FANCM: variants seen among roughly 807,000 people sequenced by gnomAD.
The protein encoded by FANCM is FA complementation group M.
In FANCM, 140 loss-of-function variants were observed where a neutral mutation model predicts 199.5. The observed-to-expected ratio is 0.70, with a 90% CI of 0.61 to 0.81. FANCM has a LOEUF of 0.81. Among genes scored for constraint, FANCM ranks in the 30% least tolerant of loss-of-function variants. FANCM has a pLI of 0.00. For missense variants in FANCM, 2,410 were observed against 2,421.4 expected, an observed-to-expected ratio of 1.00 and a Z score of 0.10; for synonymous variants, 840 against 836.8, an observed-to-expected ratio of 1.00 and a Z score of -0.07.
chr14:45,198,878 A>T lies in FANCM; in HGVS notation c.5951A>T (p.Tyr1984Phe), dbSNP rs202101508. Residue 1984 changes from tyrosine (Y) to phenylalanine (F), a missense_variant, in exon 22 of 23, where the codon TAT (tyrosine) becomes TTT (phenylalanine). Tyr to Phe is a conservative substitution (Grantham distance 22, BLOSUM62 3). Coordinates refer to ENST00000267430, the MANE Select transcript of FANCM (RefSeq NM_020937.4). ...QFYLSIPNISYITALNMCHQF... is the reference protein window; with the variant it reads ...QFYLSIPNISFITALNMCHQF... Reference sequence around the variant, plus strand: ...TATTTAAGTATTCCCAATATAAGTTATATAACTGCATTAAATATGTGTCAC... The same window carrying T: ...TATTTAAGTATTCCCAATATAAGTTTTATAACTGCATTAAATATGTGTCAC... 199 of 1,611,734 alleles carry T rather than the reference A, an allele frequency of 1.2e-4. No homozygotes were observed. Among genetic ancestry groups the T allele is most frequent in the Non-Finnish European group, 1.6e-4 (191 of 1,177,886 alleles).
At chr14:45,155,674 T>G (rs1887135170) in intron 8 of FANCM, among the ~76,000 whole-genome samples, 1 of 152,032 alleles carries the variant, frequency 6.6e-6, no homozygotes, top group African/African-American at 2.4e-5. Context: ...TGGCACATGC[T>G]TGTAATCCCA....
In FANCM at chr14:45,185,289, G is replaced by T; in HGVS notation, c.4588G>T (p.Glu1530Ter). ...EEDAEYVSSD[E>*]NDESENEQDS... ...AGATGCAGAATATGTTTCATCAGAT[G>T]AAAATGATGAGTCAGAAAATGAACA... is the stretch of plus-strand genomic sequence containing the variant. Residue 1530 changes from glutamate to a stop codon, truncating the protein, a stop_gained, in exon 18 of 23, where the codon GAA becomes TAA. Transcript: ENST00000267430. LOFTEE classifies it high-confidence loss of function. The T allele has an allele frequency of 6.3e-7, 1 of 1,597,234 alleles. No individual in the cohort carries two copies. The highest frequency in any genetic ancestry group is 2.2e-5 in the East Asian group (1 of 44,638).
chr14:45,148,954 C>CAA lies in FANCM; in HGVS notation c.877_878insAA (p.Leu293GlnfsTer24). On this transcript the variant is annotated frameshift_variant, in exon 4 of 23. Coordinates refer to ENST00000267430, the MANE Select transcript of FANCM (RefSeq NM_020937.4). LOFTEE classifies it high-confidence loss of function. Reference sequence around the variant, plus strand: ...AAAAGTTGAAAAGCTTATTGTTCCGCTTGGTGAAGAACTTGCAGCCATCCA... The same window carrying CAA: ...AAAAGTTGAAAAGCTTATTGTTCCGCAATTGGTGAAGAACTTGCAGCCATCCA... 6.2e-7 allele frequency: 1 copy of CAA among 1,613,778 alleles called. No homozygotes were observed. Among genetic ancestry groups the CAA allele is most frequent in the South Asian group, 1.1e-5 (1 of 91,070 alleles).
rs1888638682 is a variant in FANCM, at chr14:45,175,739, T to G, written c.2985T>G (p.Ser995=). Residue 995 remains serine, a synonymous_variant, in exon 14 of 23, where the codon TCT becomes TCG. Coordinates refer to ENST00000267430, the MANE Select transcript of FANCM (RefSeq NM_020937.4). Reference sequence around the variant, plus strand: ...TAGCTAATGTAGAGAGATTTTTATCTTATTCTCCTCCGCCTCTCAGTGGAC... The same window carrying G: ...TAGCTAATGTAGAGAGATTTTTATCGTATTCTCCTCCGCCTCTCAGTGGAC... The part of the protein sequence containing the change: ...EVLANVERFL[S]YSPPPLSGLS... 6.2e-7 allele frequency: 1 copy of G among 1,613,840 alleles called. No individual in the cohort carries two copies. The highest frequency in any genetic ancestry group is 8.5e-7 in the Non-Finnish European group (1 of 1,179,892).
intron 14 of FANCM, among the ~76,000 whole-genome samples, chr14:45,177,688 G>A (rs924263377): frequency 6.6e-6 from 1 of 152,054 alleles, no homozygotes; most frequent in African/African-American, 2.4e-5. Context: ...CACTGCGCCT[G>A]GCCAAGATTT....
chr14:45,148,762 T>C (rs568950746), intron 3 of FANCM, 75 bp from the exon 4 acceptor site: 183 of 968,840 alleles, frequency 1.9e-4, no homozygotes, highest in Non-Finnish European at 2.8e-4. Context: ...TTACTGCTAT[T>C]TTATTTCTGT....
In FANCM at chr14:45,136,326, T is replaced by A. The variant is rs1372964101; in HGVS notation, c.295T>A (p.Ser99Thr). 6.2e-7 allele frequency: 1 copy of A among 1,614,136 alleles called. No individual in the cohort carries two copies. Among genetic ancestry groups the A allele is most frequent in the South Asian group, 1.1e-5 (1 of 91,082 alleles). ...CPVRDYQLHI[S>T]RAALFCNTLV... is the part of the protein sequence containing the mutation. ...AGTGCGGGACTACCAGCTGCACATT[T>A]CCCGGGCTGCTCTGTTTTGCAATAC... is the stretch of plus-strand genomic sequence containing the variant. Residue 99 changes from serine to threonine, a missense_variant, in exon 1 of 23, where the codon TCC becomes ACC. Ser to Thr is a moderately conservative substitution (Grantham distance 58). Transcript: ENST00000267430.
intron 16 of FANCM, among the ~76,000 whole-genome samples, chr14:45,182,055 T>C (rs1004836231): frequency 1.3e-5 from 2 of 152,218 alleles, no homozygotes; most frequent in African/African-American, 4.8e-5. Flanking sequence ...AAAACTGTCA[T>C]AAGTTACTCA....
At chr14:45,174,625 A>G (rs1278451169) in intron 13 of FANCM, among the ~76,000 whole-genome samples, 1 of 152,182 alleles carries the variant, frequency 6.6e-6, no homozygotes, top group Admixed American at 6.6e-5. Context: ...AGGTACTACT[A>G]TGTTGGACAT....
At chr14:45,149,195 T>TA (rs1411049253) in intron 4 of FANCM, among the ~76,000 whole-genome samples, 200 bp downstream of exon 4, 2 of 152,122 alleles carry the variant, frequency 1.3e-5, no homozygotes, top group Non-Finnish European at 2.9e-5. Context: ...AAAGGGAAAA[T>TA]ACAAAAGATG....
intron 11 of FANCM, 68 bp downstream of exon 11, chr14:45,167,231 A>G (rs530884433): frequency 1.1e-6 from 1 of 896,568 alleles, no homozygotes; most frequent in Non-Finnish European, 1.9e-6. Context: ...GTATCTTGAT[A>G]TAATATTTCT....
chr14:45,175,404 TC>T lies in FANCM; in HGVS notation c.2652del (p.Thr885LeufsTer40). ...IIDSVDNDRN[S>X]TVENIFQEDL... ...AGATTCTGTAGATAATGACAGAAAT[TC>T]CACTGTTGAAAATATTTTTCAAGAA... On this transcript the variant is annotated frameshift_variant, in exon 14 of 23. Transcript: ENST00000267430. LOFTEE classifies it high-confidence loss of function. 1 of 1,570,418 alleles carries T rather than the reference TC, an allele frequency of 6.4e-7. No homozygotes were observed. Among genetic ancestry groups the T allele is most frequent in the East Asian group, 2.2e-5 (1 of 44,548 alleles).
intron 20 of FANCM, among the ~76,000 whole-genome samples, chr14:45,191,689 A>C (rs1000803165): frequency 1.3e-5 from 2 of 152,204 alleles, no homozygotes; most frequent in Admixed American, 1.3e-4. Context: ...AATTACATAT[A>C]GTGTGATTCT....
At position 45,176,100 on chromosome 14, in the gene FANCM, CATG is replaced by C. The variant is rs1286393165; in HGVS notation, c.3350_3352del (p.Asp1117del). 3 of 1,614,014 alleles carry C rather than the reference CATG, an allele frequency of 1.9e-6. No individual in the cohort carries two copies. The highest frequency in any genetic ancestry group is 3.3e-5 in the Admixed American group (2 of 60,018). ...ACAGAATTTAGTTGGAGAGAACAAT[CATG>C]ATGTTGATAACAGTGACCTCCCAGT... On this transcript the variant is annotated inframe_deletion, in exon 14 of 23. Coordinates refer to ENST00000267430, the MANE Select transcript of FANCM (RefSeq NM_020937.4).
At chr14:45,197,863 A>G (rs1456676735) in intron 21 of FANCM, among the ~76,000 whole-genome samples, 1 of 151,476 alleles carries the variant, frequency 6.6e-6, no homozygotes, top group African/African-American at 2.4e-5. Flanking sequence ...TCCTGTGTTC[A>G]AGTGATTCTC....
chr14:45,198,704 T>C lies in FANCM; in HGVS notation c.5777T>C (p.Ile1926Thr), dbSNP rs1890205653. 3 of 1,613,904 alleles carry C rather than the reference T, an allele frequency of 1.9e-6. No individual in the cohort carries two copies. Among genetic ancestry groups the C allele is most frequent in the Non-Finnish European group, 2.5e-6 (3 of 1,179,802 alleles). Residue 1926 changes from isoleucine to threonine, a missense_variant, in exon 22 of 23, where the codon ATT (isoleucine) becomes ACT (threonine). Physicochemically the swap from Ile to Thr is moderately conservative, Grantham distance 89. Coordinates refer to ENST00000267430, the MANE Select transcript of FANCM (RefSeq NM_020937.4). ...KSYDSLLTTL[I>T]GAGIRILFSS... Reference sequence around the variant, plus strand: ...TATGACAGCCTGCTGACTACCTTAATTGGCGCTGGAATCCGAATTCTTTTC... The same window carrying C: ...TATGACAGCCTGCTGACTACCTTAACTGGCGCTGGAATCCGAATTCTTTTC...
Position 45,187,842 on chromosome 14 carries a change from C to A in FANCM, c.4734C>A (p.Tyr1578Ter). Reference sequence around the variant, plus strand: ...GTAGTCCAATGATGAACAATAAGTACAAAATGATTCATAAGACACATAAAA... The same window carrying A: ...GTAGTCCAATGATGAACAATAAGTAAAAAATGATTCATAAGACACATAAAA... ...SLRSPMMNNK[Y>*]KMIHKTHKNI... The change falls in exon 19 of 23, where the codon TAC becomes TAA. Residue 1578 changes from tyrosine (Y) to a stop codon, truncating the protein, a stop_gained. Coordinates refer to ENST00000267430, the MANE Select transcript of FANCM (RefSeq NM_020937.4). LOFTEE classifies it high-confidence loss of function. 6.4e-7 allele frequency: 1 copy of A among 1,572,906 alleles called. No individual in the cohort carries two copies. Among genetic ancestry groups the A allele is most frequent in the Non-Finnish European group, 8.8e-7 (1 of 1,142,688 alleles).
intron 14 of FANCM, 109 bp from the exon 15 acceptor site, chr14:45,181,321 T>C (rs1889052138): frequency 3.0e-6 from 2 of 662,600 alleles, no homozygotes; most frequent in Non-Finnish European, 5.3e-6. Flanking sequence ...TGAATAAATG[T>C]TGAGATTGCG....
At position 45,179,522 on chromosome 14, in the gene FANCM, A is replaced by G. The variant is rs138284878; in HGVS notation, c.4223-1908A>G. ...CATTTTGTCTGGAAGTCTTAGCTAG[A>G]TCACCTCTCATAGATTAGGTACATC... On this transcript the variant is annotated intron_variant, in intron 14 of 22. Transcript: ENST00000267430. Among the ~76,000 whole-genome samples the G allele has an allele frequency of 6.3e-3, 951 of 150,048 alleles. 8 individuals carry two copies. The highest frequency in any genetic ancestry group is 0.022 in the African/African-American group (905 of 40,906).
Sources: allele counts gnomAD v4.1 joint callset (sites outside exome capture counted in the v4.1 genomes callset), GRCh38; gene constraint gnomAD v4.1.1; transcripts MANE v1.5; gene names NCBI Gene and HGNC (gene_info 2026-07-23, HGNC 2026-07-21).